Variants in PBX3 observed in about 807,000 individuals in gnomAD.
PBX3 encodes the protein pre-B-cell leukemia transcription factor 3.
Under a neutral mutation model 48.5 loss-of-function variants are expected in PBX3, and 14 were observed. That is an observed-to-expected ratio of 0.29 (90% CI 0.19 to 0.45). The LOEUF is 0.45. PBX3 is among the 20% of genes least tolerant of loss of function. The pLI is 1.00. For synonymous variants in PBX3, 210 were observed against 200.3 expected, an observed-to-expected ratio of 1.05 and a Z score of -0.41; for missense variants, 386 against 546.7, an observed-to-expected ratio of 0.71 and a Z score of 2.93.
intron 2 of PBX3, among the ~76,000 whole-genome samples, chr9:125,878,416 A>T (rs1297833087): frequency 6.6e-6 from 1 of 152,180 alleles, no homozygotes; most frequent in Non-Finnish European, 1.5e-5. Context: ...AGTATGCATA[A>T]CCTCTCCTGA....
intron 2 of PBX3, among the ~76,000 whole-genome samples, chr9:125,883,945 G>T (rs1187870412): frequency 6.6e-6 from 1 of 152,102 alleles, no homozygotes; most frequent in East Asian, 1.9e-4. Context: ...TGATAGATTC[G>T]CCTGCCTGAA....
chr9:125,841,061 G>A (rs902086890), intron 2 of PBX3, among the ~76,000 whole-genome samples: 1 of 152,070 alleles, frequency 6.6e-6, no homozygotes. Flanking sequence ...CTAACCATGC[G>A]CTAGGGACTA....
intron 2 of PBX3, among the ~76,000 whole-genome samples, chr9:125,861,431 C>G (rs1839861720): frequency 6.6e-6 from 1 of 151,996 alleles, no homozygotes; most frequent in Admixed American, 6.6e-5. Context: ...TCAGTTCTTC[C>G]AAAGGCTAAC....
intron 6 of PBX3, among the ~76,000 whole-genome samples, chr9:125,961,756 G>T (rs1159214199): frequency 6.6e-6 from 1 of 152,228 alleles, no homozygotes; most frequent in Non-Finnish European, 1.5e-5. Flanking sequence ...ACAAGCTCGT[G>T]TAATGACTAA....
chr9:125,890,570 C>T (rs1345919990), intron 2 of PBX3, among the ~76,000 whole-genome samples: 1 of 152,182 alleles, frequency 6.6e-6, no homozygotes, highest in Non-Finnish European at 1.5e-5. Context: ...GTCACCACTG[C>T]CTTCCCCCAT....
intron 3 of PBX3, among the ~76,000 whole-genome samples, chr9:125,921,326 C>G (rs1428717909): frequency 6.6e-6 from 1 of 150,640 alleles, no homozygotes; most frequent in Non-Finnish European, 1.5e-5. Flanking sequence ...TTTGAATACT[C>G]TTTTTTTTTC....
chr9:125,761,776 A>G (rs1010864757), intron 2 of PBX3, among the ~76,000 whole-genome samples: 2 of 152,140 alleles, frequency 1.3e-5, no homozygotes, highest in Non-Finnish European at 2.9e-5. Flanking sequence ...TAACTGTCCC[A>G]GTATTGATCA....
At position 125,935,458 on chromosome 9, in the gene PBX3, C is replaced by T; in HGVS notation, c.708-14C>T. 6.2e-7 allele frequency: 1 copy of T among 1,612,404 alleles called. No individual in the cohort carries two copies. Among genetic ancestry groups the T allele is most frequent in the South Asian group, 1.1e-5 (1 of 90,966 alleles). On this transcript the variant is annotated splice_polypyrimidine_tract_variant and intron_variant, in intron 4 of 8. Transcript: ENST00000373489. ...GATTGTAACTGCAATTATTTTCTTT[C>T]ACTCTTGTCATAGACGGAAAAGGCG...
chr9:125,917,467 T>G (rs920542641), intron 3 of PBX3, among the ~76,000 whole-genome samples: 1 of 152,208 alleles, frequency 6.6e-6, no homozygotes, highest in East Asian at 1.9e-4. Flanking sequence ...TGATGGCATG[T>G]ACCCATCATT....
intron 2 of PBX3, among the ~76,000 whole-genome samples, chr9:125,904,044 C>G (rs1480437693): frequency 6.6e-6 from 1 of 151,752 alleles, no homozygotes; most frequent in Non-Finnish European, 1.5e-5. Context: ...ACACAGAAAG[C>G]TCTCAAAAAA....
intron 3 of PBX3, among the ~76,000 whole-genome samples, chr9:125,924,614 T>A (rs1286166893): frequency 6.6e-6 from 1 of 152,220 alleles, no homozygotes; most frequent in Non-Finnish European, 1.5e-5. Context: ...TTTTGTAACA[T>A]CATGCGTTGA....
intron 2 of PBX3, among the ~76,000 whole-genome samples, chr9:125,826,935 TG>T (rs1225148868): frequency 6.6e-6 from 1 of 152,224 alleles, no homozygotes; most frequent in African/African-American, 2.4e-5. Flanking sequence ...TCTTGCTAAC[TG>T]TAGTCACTCT....
chr9:125,956,877 G>A (rs1420767), intron 5 of PBX3, among the ~76,000 whole-genome samples: 95,356 of 152,050 alleles, frequency 0.63, 31,387 homozygotes, highest in East Asian at 0.77. Context: ...AGCTCTGCTC[G>A]CCTTCATGCA....
chr9:125,852,751 C>CT (rs966933067), intron 2 of PBX3, among the ~76,000 whole-genome samples: 6 of 152,060 alleles, frequency 3.9e-5, no homozygotes, highest in African/African-American at 1.4e-4. Flanking sequence ...GTTGTTATAA[C>CT]TTTTTCTGAG....
chr9:125,948,259 A>G (rs1347520041), intron 5 of PBX3, among the ~76,000 whole-genome samples: 4 of 87,144 alleles, frequency 4.6e-5, no homozygotes, highest in East Asian at 9.6e-4. Context: ...GGACATACAT[A>G]GAACACTACA....
chr9:125,803,514 C>T (rs1838031071), intron 2 of PBX3, among the ~76,000 whole-genome samples: 1 of 151,938 alleles, frequency 6.6e-6, no homozygotes, highest in Non-Finnish European at 1.5e-5. Flanking sequence ...GGAACAATTC[C>T]TTAACCTCTT....
intron 2 of PBX3, among the ~76,000 whole-genome samples, chr9:125,767,028 C>T (rs946800395): frequency 2.4e-4 from 36 of 152,136 alleles, no homozygotes; most frequent in Non-Finnish European, 1.9e-4. Context: ...TGTTTACTTC[C>T]TATTTTGAAT....
chr9:125,800,544 A>G (rs1254520301), intron 2 of PBX3, among the ~76,000 whole-genome samples: 2 of 152,146 alleles, frequency 1.3e-5, no homozygotes, highest in African/African-American at 2.4e-5. Flanking sequence ...CTATTCCTCA[A>G]CATAAACGAG....
chr9:125,879,236 C>G (rs1185432048), intron 2 of PBX3, among the ~76,000 whole-genome samples: 1 of 151,926 alleles, frequency 6.6e-6, no homozygotes, highest in Non-Finnish European at 1.5e-5. Flanking sequence ...CTCCACCACG[C>G]CCGGCTAATT....
Sources: allele counts gnomAD v4.1 joint callset (sites outside exome capture counted in the v4.1 genomes callset), GRCh38; gene constraint gnomAD v4.1.1; transcripts MANE v1.5; gene names NCBI Gene and HGNC (gene_info 2026-07-23, HGNC 2026-07-21).